OPCML: variants seen among roughly 807,000 people sequenced by gnomAD.
OPCML encodes the protein opioid-binding protein/cell adhesion molecule.
In OPCML, 13 loss-of-function variants were observed where a neutral mutation model predicts 37.8. That is an observed-to-expected ratio of 0.34 (90% confidence interval 0.22 to 0.55). The LOEUF is 0.55. Ranked by LOEUF, OPCML falls within the 20% of genes least tolerant of loss-of-function variation. The pLI is 0.91. For synonymous variants in OPCML, 176 were observed against 168.8 expected, an observed-to-expected ratio of 1.04 and a Z score of -0.33; for missense variants, 341 against 435.6, an observed-to-expected ratio of 0.78 and a Z score of 1.93.
chr11:133,291,483 C>T (rs1942473076), intron 1 of OPCML, among the ~76,000 whole-genome samples: 1 of 152,238 alleles, frequency 6.6e-6, no homozygotes, highest in South Asian at 2.1e-4. Flanking sequence ...CTCAGGGGCT[C>T]AGCCCCTATC....
At chr11:132,976,073 T>C (rs1203989137) in intron 1 of OPCML, among the ~76,000 whole-genome samples, 2 of 152,260 alleles carry the variant, frequency 1.3e-5, no homozygotes, top group African/African-American at 4.8e-5. Flanking sequence ...AAAGATTTAC[T>C]GATATCTGCT....
intron 1 of OPCML, among the ~76,000 whole-genome samples, chr11:133,510,025 A>G (rs1307434689): frequency 1.3e-5 from 2 of 152,140 alleles, no homozygotes; most frequent in African/African-American, 4.8e-5. Context: ...CTTTAAGTGG[A>G]GAGTTCTGCT....
intron 1 of OPCML, among the ~76,000 whole-genome samples, chr11:133,389,373 G>A (rs534380481): frequency 6.6e-6 from 1 of 152,284 alleles, no homozygotes; most frequent in East Asian, 1.9e-4. Flanking sequence ...CTACCTGTAG[G>A]GCCTTAGTGT....
intron 1 of OPCML, among the ~76,000 whole-genome samples, chr11:133,454,477 C>G (rs538374287): frequency 6.6e-6 from 1 of 152,146 alleles, no homozygotes; most frequent in Admixed American, 6.5e-5. Flanking sequence ...AAAATAGGAT[C>G]AATATTTATT....
chr11:132,976,224 G>C (rs1946460325), intron 1 of OPCML, among the ~76,000 whole-genome samples: 1 of 152,148 alleles, frequency 6.6e-6, no homozygotes, highest in Non-Finnish European at 1.5e-5. Context: ...TCTGTAGTTA[G>C]TTATTTGTTC....
At chr11:133,396,046 C>T (rs941966386) in intron 1 of OPCML, among the ~76,000 whole-genome samples, 4 of 152,034 alleles carry the variant, frequency 2.6e-5, no homozygotes, top group Admixed American at 1.3e-4. Context: ...TCTGTGTGTC[C>T]TTTTCAATGT....
At chr11:132,894,673 C>G (rs1333712589) in intron 2 of OPCML, among the ~76,000 whole-genome samples, 1 of 152,216 alleles carries the variant, frequency 6.6e-6, no homozygotes, top group Non-Finnish European at 1.5e-5. Context: ...TTGGCACCAT[C>G]TCATAGGCTG....
At chr11:132,782,927 A>ATATATATATATATATATG (rs1565860331) in intron 2 of OPCML, among the ~76,000 whole-genome samples, 6 of 146,126 alleles carry the variant, frequency 4.1e-5, no homozygotes, top group Middle Eastern at 3.6e-3. Context: ...GTATATATAT[A>ATATATATATATATATATG]TATATATATA....
chr11:132,687,025 G>T (rs540936898), intron 2 of OPCML, among the ~76,000 whole-genome samples: 1 of 516 alleles, frequency 1.9e-3, no homozygotes, highest in African/African-American at 0.016. Flanking sequence ...GCTAGCTGAA[G>T]TCACACAATA....
At chr11:132,802,067 G>A (rs1938686658) in intron 2 of OPCML, among the ~76,000 whole-genome samples, 2 of 152,090 alleles carry the variant, frequency 1.3e-5, no homozygotes, top group South Asian at 4.1e-4. Context: ...TGAAGTTCAA[G>A]CCAAAATCAT....
At chr11:132,451,418 G>A (rs11821777) in intron 4 of OPCML, among the ~76,000 whole-genome samples, 40,277 of 151,664 alleles carry the variant, frequency 0.27, 5,624 homozygotes, top group Non-Finnish European at 0.3. Context: ...CACAGCAGGT[G>A]AATTCCTGAG....
At chr11:132,542,011 C>T (rs1321435468) in intron 3 of OPCML, among the ~76,000 whole-genome samples, 2 of 152,208 alleles carry the variant, frequency 1.3e-5, no homozygotes, top group East Asian at 1.9e-4. Flanking sequence ...CAGGGGAAGT[C>T]CAGCATCTTC....
intron 2 of OPCML, among the ~76,000 whole-genome samples, chr11:132,692,104 A>G (rs1169511830): frequency 6.6e-6 from 1 of 152,196 alleles, no homozygotes. Flanking sequence ...CTTCAATCAA[A>G]AGCAGCAGAA....
At chr11:132,578,627 A>G (rs1340561800) in intron 3 of OPCML, among the ~76,000 whole-genome samples, 1 of 152,166 alleles carries the variant, frequency 6.6e-6, no homozygotes, top group Non-Finnish European at 1.5e-5. Flanking sequence ...AATGGTTCAG[A>G]ATGTTAAAAA....
chr11:133,045,662 G>T (rs757011225), intron 1 of OPCML, among the ~76,000 whole-genome samples: 1 of 152,176 alleles, frequency 6.6e-6, no homozygotes, highest in Non-Finnish European at 1.5e-5. Flanking sequence ...TCCCAATCAG[G>T]AGCATCACCT....
At chr11:133,150,962 A>G (rs1949973624) in intron 1 of OPCML, among the ~76,000 whole-genome samples, 1 of 152,014 alleles carries the variant, frequency 6.6e-6, no homozygotes, top group Admixed American at 6.6e-5. Context: ...AGTGGCCTCC[A>G]AAGCTATTTC....
At chr11:133,526,840 G>A (rs1202072888) in intron 1 of OPCML, among the ~76,000 whole-genome samples, 2 of 152,204 alleles carry the variant, frequency 1.3e-5, no homozygotes, top group Non-Finnish European at 2.9e-5. Flanking sequence ...CTGAGGACTG[G>A]GATCAGAAGG....
Position 132,492,913 on chromosome 11 carries a change from A to G in OPCML, c.505+36148T>C, listed in dbSNP as rs74912455. On this transcript the variant is annotated intron_variant, in intron 4 of 7. Coordinates refer to ENST00000524381, the MANE Select transcript of OPCML (RefSeq NM_001012393.5). The stretch of plus-strand genomic sequence containing the variant: ...GCATCTAGCACCTGACAGGTACATT[A>G]TAAATACTTGATGACTGAATGGATG... Among the ~76,000 whole-genome samples the G allele has an allele frequency of 8.9e-4, 136 of 152,312 alleles. 1 individual carries two copies. In the East Asian group the frequency reaches 0.022, roughly 24 times the overall value.
intron 1 of OPCML, among the ~76,000 whole-genome samples, chr11:133,354,683 G>GTTAT (rs750921363): frequency 1.3e-5 from 2 of 152,188 alleles, no homozygotes; most frequent in Non-Finnish European, 2.9e-5. Context: ...TATTTTGAGT[G>GTTAT]TTATGAGAGA....
Sources: allele counts gnomAD v4.1 joint callset (sites outside exome capture counted in the v4.1 genomes callset), GRCh38; gene constraint gnomAD v4.1.1; transcripts MANE v1.5; gene names NCBI Gene and HGNC (gene_info 2026-07-23, HGNC 2026-07-21).